KCNH7: variants seen among roughly 807,000 people sequenced by gnomAD.
KCNH7 encodes voltage-gated inwardly rectifying potassium channel KCNH7.
In KCNH7, 49 loss-of-function variants were observed where a neutral mutation model predicts 120.8. The ratio of observed to expected loss-of-function variants is 0.41; its 90% CI spans 0.32 to 0.51. The LOEUF (loss-of-function observed/expected upper bound fraction) is 0.51. Ranked by LOEUF, KCNH7 falls within the 20% of genes least tolerant of loss-of-function variation. The pLI, the probability that KCNH7 is intolerant of heterozygous loss-of-function variation, is 0.38. For missense variants in KCNH7, 1,097 were observed against 1,446.6 expected, an observed-to-expected ratio of 0.76 and a Z score of 3.92; for synonymous variants, 547 against 516.1, an observed-to-expected ratio of 1.06 and a Z score of -0.81.
At chr2:162,696,210 T>C (rs921835136) in intron 2 of KCNH7, among the ~76,000 whole-genome samples, 2 of 152,124 alleles carry the variant, frequency 1.3e-5, no homozygotes, top group Non-Finnish European at 2.9e-5. Context: ...TTAGATAATG[T>C]AGATATAGTA....
chr2:162,538,332 C>T (rs74759679), intron 2 of KCNH7, among the ~76,000 whole-genome samples: 2,408 of 152,062 alleles, frequency 0.016, 62 homozygotes, highest in East Asian at 0.096. Context: ...AAAGATCGGA[C>T]CCCCCTGATT....
intron 2 of KCNH7, among the ~76,000 whole-genome samples, chr2:162,675,632 A>G (rs1313933196): frequency 1.3e-5 from 2 of 151,512 alleles, no homozygotes; most frequent in Non-Finnish European, 3.0e-5. Context: ...AGTAAGATGC[A>G]ATATATTACC....
At chr2:162,669,181 G>T (rs1358710441) in intron 2 of KCNH7, among the ~76,000 whole-genome samples, 1 of 152,082 alleles carries the variant, frequency 6.6e-6, no homozygotes, top group Non-Finnish European at 1.5e-5. Context: ...TTAGATTTTT[G>T]AAGATATTTT....
intron 2 of KCNH7, among the ~76,000 whole-genome samples, chr2:162,801,143 G>T (rs1043742847): frequency 1.3e-5 from 2 of 151,630 alleles, no homozygotes; most frequent in Admixed American, 6.6e-5. Flanking sequence ...TGCGAAGAGG[G>T]TAGAACTACT....
intron 2 of KCNH7, among the ~76,000 whole-genome samples, chr2:162,747,387 C>T (rs1688352675): frequency 6.6e-6 from 1 of 152,146 alleles, no homozygotes; most frequent in African/African-American, 2.4e-5. Context: ...GGCAGCATCT[C>T]ATTTCTTGGG....
chr2:162,551,539 T>TA (rs905333465), intron 2 of KCNH7, among the ~76,000 whole-genome samples: 3 of 151,362 alleles, frequency 2.0e-5, no homozygotes, highest in South Asian at 2.1e-4. Context: ...ACTTGAAGAT[T>TA]AAAAAAAACA....
chr2:162,670,089 G>A (rs965902965), intron 2 of KCNH7, among the ~76,000 whole-genome samples: 2 of 151,834 alleles, frequency 1.3e-5, no homozygotes, highest in African/African-American at 2.4e-5. Context: ...CGACAAGAGC[G>A]AAACTCGGTC....
At chr2:162,485,709 T>A (rs1690073172) in intron 6 of KCNH7, among the ~76,000 whole-genome samples, 1 of 152,158 alleles carries the variant, frequency 6.6e-6, no homozygotes, top group Admixed American at 6.6e-5. Context: ...TTCAGGTGCC[T>A]GCAGGTAGGA....
chr2:162,542,297 T>C (rs903620159), intron 2 of KCNH7, among the ~76,000 whole-genome samples: 39 of 151,520 alleles, frequency 2.6e-4, no homozygotes, highest in African/African-American at 9.0e-4. Context: ...ATGTGCACAA[T>C]GTGCAGGTTA....
At chr2:162,500,011 G>T (rs578120319) in intron 6 of KCNH7, among the ~76,000 whole-genome samples, 46 of 151,934 alleles carry the variant, frequency 3.0e-4, no homozygotes, top group African/African-American at 8.0e-4. Flanking sequence ...GCACTGTAAA[G>T]TCAATGTACT....
At chr2:162,504,363 T>G (rs1204188046) in intron 6 of KCNH7, 80 bp downstream of exon 6, 2 of 1,075,984 alleles carry the variant, frequency 1.9e-6, no homozygotes, top group Admixed American at 3.9e-5. Context: ...CGACAGTCAT[T>G]TATAAGAAAA....
At chr2:162,649,342 T>C (rs769964637) in intron 2 of KCNH7, among the ~76,000 whole-genome samples, 1 of 152,300 alleles carries the variant, frequency 6.6e-6, no homozygotes, top group Middle Eastern at 3.4e-3. Flanking sequence ...TCTACACAAA[T>C]GGTAAATTGT....
At chr2:162,407,970 A>T (rs1448402667) in intron 9 of KCNH7, among the ~76,000 whole-genome samples, 1 of 152,040 alleles carries the variant, frequency 6.6e-6, no homozygotes, top group Non-Finnish European at 1.5e-5. Context: ...TTTAGCATCA[A>T]ATTTTTTATT....
intron 3 of KCNH7, among the ~76,000 whole-genome samples, chr2:162,530,010 A>G (rs983129776): frequency 9.2e-5 from 14 of 152,066 alleles, no homozygotes; most frequent in South Asian, 2.1e-4. Context: ...TAAGTCATCT[A>G]ATTGTGGCTA....
intron 12 of KCNH7, among the ~76,000 whole-genome samples, chr2:162,388,092 C>A (rs1320882744): frequency 2.0e-5 from 3 of 151,612 alleles, no homozygotes; most frequent in Non-Finnish European, 3.0e-5. Flanking sequence ...TAAATTTTTT[C>A]ATTTAAGATC....
chr2:162,521,473 C>A (rs1239153008), intron 3 of KCNH7, among the ~76,000 whole-genome samples: 1 of 151,796 alleles, frequency 6.6e-6, no homozygotes, highest in African/African-American at 2.4e-5. Flanking sequence ...TGATTTAACT[C>A]ATTGATGAAA....
At chr2:162,418,094 C>A (rs373084506) in intron 9 of KCNH7, among the ~76,000 whole-genome samples, 7 of 152,102 alleles carry the variant, frequency 4.6e-5, no homozygotes, top group African/African-American at 1.7e-4. Context: ...CAGAGCCAGG[C>A]AATTCCTATC....
At chr2:162,635,163 A>T (rs2105225217) in intron 2 of KCNH7, among the ~76,000 whole-genome samples, 1 of 152,220 alleles carries the variant, frequency 6.6e-6, no homozygotes, top group Middle Eastern at 3.4e-3. Context: ...TATCTGACCC[A>T]GAGGTCATAA....
intron 4 of KCNH7, among the ~76,000 whole-genome samples, chr2:162,514,465 T>C (rs1241635986): frequency 2.6e-5 from 4 of 151,754 alleles, no homozygotes; most frequent in African/African-American, 9.7e-5. Context: ...AACATTACAT[T>C]ATATAGTTAT....
Sources: allele counts gnomAD v4.1 joint callset (sites outside exome capture counted in the v4.1 genomes callset), GRCh38; gene constraint gnomAD v4.1.1; transcripts MANE v1.5; gene names NCBI Gene and HGNC (gene_info 2026-07-23, HGNC 2026-07-21).